MGAM: variants seen among roughly 807,000 people sequenced by gnomAD.
MGAM encodes the protein alpha-1,4-glucosidase.
A neutral mutation model predicts 358.8 loss-of-function variants in MGAM; 253 were observed. The ratio of observed to expected loss-of-function variants is 0.71; its 90% CI spans 0.64 to 0.78. MGAM has a LOEUF of 0.78. MGAM is among the 30% of genes least tolerant of loss of function. The pLI is 0.00. For missense variants in MGAM, 3,080 were observed against 3,432.6 expected (o/e 0.90, Z 2.57); for synonymous variants, 1,105 against 1,227.1 (o/e 0.90, Z 2.08).
chr7:142,025,204 T>G, intron 8 of MGAM, 55 bp downstream of exon 8: 4 of 1,307,322 alleles, frequency 3.1e-6, no homozygotes, highest in Non-Finnish European at 4.4e-6. Flanking sequence ...AGTCCCTTTC[T>G]TACAGCACTA....
intron 2 of MGAM, among the ~76,000 whole-genome samples, chr7:141,987,390 A>T (rs782536924): frequency 6.6e-6 from 1 of 152,206 alleles, no homozygotes; most frequent in African/African-American, 2.4e-5. Flanking sequence ...TCTTAATAAC[A>T]TGCCGTAATC....
intron 22 of MGAM, among the ~76,000 whole-genome samples, chr7:142,048,846 A>G (rs1195750463): frequency 6.6e-6 from 1 of 152,202 alleles, no homozygotes; most frequent in African/African-American, 2.4e-5. Flanking sequence ...AAGATGAAAT[A>G]TATTCAAAGT....
chr7:142,043,088 A>G (rs866313683), intron 21 of MGAM, among the ~76,000 whole-genome samples: 4 of 33,626 alleles, frequency 1.2e-4, no homozygotes, highest in Non-Finnish European at 2.1e-4. Context: ...AATATAATAT[A>G]TATATTATAT....
chr7:142,067,062 G>A (rs543353690), intron 41 of MGAM, among the ~76,000 whole-genome samples: 5 of 146,122 alleles, frequency 3.4e-5, no homozygotes, highest in Middle Eastern at 3.5e-3. Context: ...ATTGAGGGAC[G>A]AGGGCCATCC....
At chr7:142,026,645 C>T (rs1807001575) in intron 8 of MGAM, among the ~76,000 whole-genome samples, 1 of 152,254 alleles carries the variant, frequency 6.6e-6, no homozygotes, top group East Asian at 1.9e-4. Flanking sequence ...CACTGTTTAT[C>T]TGGGAATGGT....
intron 13 of MGAM, 128 bp downstream of exon 13, chr7:142,031,921 A>C: frequency 1.7e-6 from 1 of 600,084 alleles, no homozygotes; most frequent in Non-Finnish European, 2.9e-6. Context: ...AATCACTCTC[A>C]ATATTCACTC....
At chr7:142,056,979 C>T (rs761156910) in intron 30 of MGAM, 37 bp downstream of exon 30, 6 of 1,594,936 alleles carry the variant, frequency 3.8e-6, no homozygotes, top group African/African-American at 2.7e-5. Context: ...AGTACTTACA[C>T]AGCACATTCT....
intron 32 of MGAM, 33 bp from the exon 33 acceptor site, chr7:142,059,823 G>GA (rs1375348247): frequency 6.3e-7 from 1 of 1,587,620 alleles, no homozygotes; most frequent in South Asian, 1.1e-5. Flanking sequence ...CTCTGGCTTT[G>GA]GTTTTCCCAA....
rs1554461473 is a variant in MGAM, at chr7:142,027,663, T to C, written c.1149T>C (p.Ser383=). The change falls in exon 10 of 71, where the codon AGT becomes AGC. Residue 383 remains serine (S), a synonymous_variant. Coordinates refer to ENST00000475668, the MANE Select transcript of MGAM (RefSeq NM_001365693.1). ...ACTGGGCGCTTGGATTTCACCTCAG[T>C]CGTTACGAATATGGAACCTTAGACA... The part of the protein sequence containing the change: ...PSYWALGFHL[S]RYEYGTLDNM... The C allele has an allele frequency of 1.9e-6, 3 of 1,613,752 alleles. No homozygotes were observed. Among genetic ancestry groups the C allele is most frequent in the Non-Finnish European group, 1.7e-6 (2 of 1,179,738 alleles).
In MGAM at chr7:142,080,861, C is replaced by T; in HGVS notation, c.5918C>T (p.Thr1973Ile). The change falls in exon 50 of 71, where the codon ACC (threonine) becomes ATC (isoleucine). Residue 1973 changes from threonine (T) to isoleucine (I), a missense_variant. By Grantham distance (89) the Thr-to-Ile change is moderately conservative. This residue lies in a region of MGAM where 932 missense variants were observed against 1,198.2 expected (regional missense o/e 0.78). Transcript: ENST00000475668. ...AACATACCCAGCGTGCCATCCAGCA[C>T]CCCTGAGGGTCAACTCTATGATGTC... ...PLNIPSVPSS[T>I]PEGQLYDVLI... 1 of 1,556,596 alleles carries T rather than the reference C, an allele frequency of 6.4e-7. No individual in the cohort carries two copies. The highest frequency in any genetic ancestry group is 8.8e-7 in the Non-Finnish European group (1 of 1,132,562).
At chr7:142,098,521 T>G (rs1816152556) in intron 66 of MGAM, among the ~76,000 whole-genome samples, 1 of 151,986 alleles carries the variant, frequency 6.6e-6, no homozygotes, top group South Asian at 2.1e-4. Flanking sequence ...TGCAGTGAGA[T>G]TAGGTGAAAA....
intron 1 of MGAM, among the ~76,000 whole-genome samples, chr7:142,002,684 C>T (rs1437292390): frequency 1.3e-5 from 2 of 152,012 alleles, no homozygotes; most frequent in East Asian, 3.9e-4. Context: ...GACAAGGATG[C>T]CCATTGTCAC....
At chr7:142,084,749 C>G in intron 54 of MGAM, 105 bp downstream of exon 54, 1 of 1,392,950 alleles carries the variant, frequency 7.2e-7, no homozygotes, top group African/African-American at 1.4e-5. Flanking sequence ...ACATAATGTT[C>G]TTTTTCAGAC....
chr7:141,987,662 A>G (rs550583893), intron 2 of MGAM, among the ~76,000 whole-genome samples: 24 of 152,192 alleles, frequency 1.6e-4, no homozygotes, highest in Non-Finnish European at 2.4e-4. Flanking sequence ...AGAAATAGCC[A>G]TCTCTGAGGT....
In MGAM at chr7:142,082,526, G is replaced by T; in HGVS notation, c.6223G>T (p.Asp2075Tyr). The change falls in exon 52 of 71, where the codon GAT (aspartate) becomes TAT (tyrosine). Residue 2075 changes from aspartate to tyrosine, a missense_variant. Physicochemically the swap from Asp to Tyr is radical, Grantham distance 160. This residue lies in a region of MGAM where 932 missense variants were observed against 1,198.2 expected (regional missense o/e 0.78). Transcript: ENST00000475668. The part of the protein sequence containing the change: ...VHPYYMGLEE[D>Y]GSAHGVLLLN... ...CCCCTACTACATGGGGCTAGAGGAG[G>T]ATGGCAGTGCCCATGGAGTGCTCCT... 6.5e-7 allele frequency: 1 copy of T among 1,534,198 alleles called. No individual in the cohort carries two copies. Among genetic ancestry groups the T allele is most frequent in the Non-Finnish European group, 8.9e-7 (1 of 1,121,556 alleles).
chr7:142,095,841 C>A, intron 64 of MGAM, 128 bp downstream of exon 64: 1 of 1,383,592 alleles, frequency 7.2e-7, no homozygotes, highest in Non-Finnish European at 9.9e-7. Context: ...GCAGACCATA[C>A]TTTATTACTC....
chr7:141,998,910 A>G (rs1554449748), intron 1 of MGAM, among the ~76,000 whole-genome samples: 1 of 152,128 alleles, frequency 6.6e-6, no homozygotes. Context: ...AATAATTCTT[A>G]TATTTCAGTA....
intron 20 of MGAM, 112 bp downstream of exon 20, chr7:142,040,283 A>G: frequency 2.4e-6 from 2 of 850,664 alleles, no homozygotes; most frequent in Middle Eastern, 2.2e-4. Flanking sequence ...AGTAGTTTTT[A>G]GTGTTTTCTG....
intron 7 of MGAM, among the ~76,000 whole-genome samples, chr7:142,023,684 A>C (rs1403269284): frequency 6.6e-6 from 1 of 151,968 alleles, no homozygotes; most frequent in Non-Finnish European, 1.5e-5. Context: ...GTCTCAAAAA[A>C]AAAGAGGTTG....
Sources: allele counts gnomAD v4.1 joint callset (sites outside exome capture counted in the v4.1 genomes callset), GRCh38; gene constraint gnomAD v4.1.1; regional missense constraint gnomAD v4.1.1; transcripts MANE v1.5; gene names NCBI Gene and HGNC (gene_info 2026-07-23, HGNC 2026-07-21).